TENM2: variants seen among roughly 807,000 people sequenced by gnomAD.
The protein encoded by TENM2 is teneurin-2.
TENM2 carries 52 observed loss-of-function variants against 245.2 expected under a neutral mutation model. That is an observed-to-expected ratio of 0.21 (90% confidence interval 0.17 to 0.27). The LOEUF (loss-of-function observed/expected upper bound fraction) is 0.27, where lower values mean the gene tolerates loss of function less well. Ranked by LOEUF, TENM2 falls within the 10% of genes least tolerant of loss-of-function variation. The pLI is 1.00. For synonymous variants in TENM2, 1,363 were observed against 1,438.9 expected (o/e 0.95, Z 1.19); for missense variants, 3,046 against 3,666.8 (o/e 0.83, Z 4.37).
intron 2 of TENM2, among the ~76,000 whole-genome samples, chr5:167,855,739 GAAGAAGGA>G (rs1421796864): frequency 9.7e-6 from 1 of 102,932 alleles, no homozygotes; most frequent in Non-Finnish European, 1.9e-5. Context: ...GGGAGGGAGG[GAAGAAGGA>G]AAGAAGGAAG....
chr5:167,425,446 G>T (rs1221296766), intron 2 of TENM2, among the ~76,000 whole-genome samples: 1 of 152,172 alleles, frequency 6.6e-6, no homozygotes, highest in African/African-American at 2.4e-5. Context: ...ATAGCACTCA[G>T]TGAGGGCTTA....
intron 22 of TENM2, 146 bp from the exon 25 acceptor site, chr5:168,217,979 G>A: frequency 1.3e-6 from 1 of 768,570 alleles, no homozygotes; most frequent in African/African-American, 1.8e-5. Context: ...GCAATGAGCA[G>A]CTGGTTCAAT....
intron 23 of TENM2, among the ~76,000 whole-genome samples, chr5:168,221,117 A>G (rs1286913141): frequency 2.0e-5 from 3 of 151,890 alleles, no homozygotes; most frequent in Admixed American, 6.6e-5. Context: ...GTCTCAAAAA[A>G]AAAAAAGAAA....
chr5:167,095,698 C>T, the TENM2 span, among the ~76,000 whole-genome samples: 1 of 151,154 alleles, frequency 6.6e-6, no homozygotes, highest in South Asian at 2.1e-4. Context: ...TGAGTTTTGA[C>T]ATTTGTATAT....
chr5:168,235,988 C>T (rs1391601609), intron 25 of TENM2, among the ~76,000 whole-genome samples: 1 of 152,136 alleles, frequency 6.6e-6, no homozygotes, highest in Non-Finnish European at 1.5e-5. Flanking sequence ...ATGCTAAAGC[C>T]CTAGCATGTG....
Position 168,244,671 on chromosome 5 carries a change from C to T in TENM2, c.5772C>T (p.Arg1924=), listed in dbSNP as rs1465775180. 1.3e-6 allele frequency: 2 copies of T among 1,501,556 alleles called. No individual in the cohort carries two copies. The allele number at this position is 1,501,556 out of a possible 1,614,324, so 93.0% of individuals were successfully genotyped here. A position where few individuals can be genotyped will look rare whatever the true frequency, so the allele number is the denominator to read the frequency against. Residue 1924 remains arginine, a synonymous_variant, in exon 26 of 29, where the codon CGC becomes CGT. Coordinates refer to ENST00000518659, the Ensembl canonical transcript of TENM2. This position sits in a 1 kb window ranked among gnomAD's most constrained non-coding sequence, Gnocchi z 4.9. The stretch of plus-strand genomic sequence containing the variant: ...ACAAGCAAGGCCGCATCGTGTCCCG[C>T]ATGTTCGCTGACGGGAAAGTGTGGA...
chr5:167,337,612 G>T (rs1280085941), intron 1 of TENM2, among the ~76,000 whole-genome samples: 2 of 152,110 alleles, frequency 1.3e-5, no homozygotes, highest in Non-Finnish European at 1.5e-5. Context: ...CAGTTGAGTT[G>T]GGTTTTGTGG....
At chr5:167,208,771 A>G in the TENM2 span, among the ~76,000 whole-genome samples, 11 of 152,232 alleles carry the variant, frequency 7.2e-5, no homozygotes, top group African/African-American at 2.7e-4. Context: ...CTGTGTCTTG[A>G]GAGATCTTTC....
At chr5:167,273,194 C>T in the TENM2 span, among the ~76,000 whole-genome samples, 5 of 152,088 alleles carry the variant, frequency 3.3e-5, no homozygotes, top group African/African-American at 1.2e-4. Flanking sequence ...AAGTGATGGA[C>T]CCCACTTAGG....
exon 27 of TENM2, chr5:168,248,096 T>A (rs1471204645): frequency 6.2e-7 from 1 of 1,613,924 alleles, no homozygotes; most frequent in Non-Finnish European, 8.5e-7. Flanking sequence ...GGCCTCATGA[T>A]CAAACAGCTG....
At chr5:167,105,077 G>A in the TENM2 span, among the ~76,000 whole-genome samples, 1 of 152,128 alleles carries the variant, frequency 6.6e-6, no homozygotes, top group Non-Finnish European at 1.5e-5. Context: ...GAGAAAATGT[G>A]TTTTGTCAGA....
intron 2 of TENM2, among the ~76,000 whole-genome samples, chr5:167,872,293 AGATAG>A (rs1772898817): frequency 1.2e-5 from 1 of 85,416 alleles, no homozygotes. Flanking sequence ...AGAAAGAGAA[AGATAG>A]AAAGAAAGAA....
chr5:167,721,108 G>T (rs1302655911), intron 2 of TENM2, among the ~76,000 whole-genome samples: 2 of 152,082 alleles, frequency 1.3e-5, no homozygotes, highest in Non-Finnish European at 2.9e-5. Context: ...AATATTAAGG[G>T]ATTTAACAGC....
At chr5:168,049,036 GACACT>G (rs1362642451) in intron 6 of TENM2, among the ~76,000 whole-genome samples, 1 of 152,170 alleles carries the variant, frequency 6.6e-6, no homozygotes, top group Non-Finnish European at 1.5e-5. Context: ...TCCAGTACTT[GACACT>G]GTCTGCTCCT....
At chr5:167,876,227 G>A in intron 3 of TENM2, 32 bp downstream of exon 5, 1 of 1,499,242 alleles carries the variant, frequency 6.7e-7, no homozygotes, top group Non-Finnish European at 9.1e-7. Context: ...TGAATGTGTG[G>A]TGTTTCGTGA....
chr5:168,009,198 T>C (rs1785044925), intron 5 of TENM2, among the ~76,000 whole-genome samples: 1 of 152,222 alleles, frequency 6.6e-6, no homozygotes. Flanking sequence ...TGTACAAATG[T>C]GGCATGTGGT....
intron 5 of TENM2, among the ~76,000 whole-genome samples, chr5:167,995,462 T>A (rs1386137970): frequency 6.6e-6 from 1 of 152,206 alleles, no homozygotes; most frequent in Non-Finnish European, 1.5e-5. Context: ...AAAAATAGTT[T>A]ATGACACAAA....
chr5:167,375,664 T>G (rs951214561), intron 2 of TENM2, among the ~76,000 whole-genome samples, 191 bp downstream of exon 4: 3 of 152,186 alleles, frequency 2.0e-5, no homozygotes, highest in Admixed American at 2.0e-4. Context: ...GAGAAGAGAA[T>G]TTAAAAATCA....
intron 2 of TENM2, among the ~76,000 whole-genome samples, chr5:167,767,289 C>A (rs1023632693): frequency 2.6e-5 from 4 of 152,154 alleles, no homozygotes; most frequent in Non-Finnish European, 4.4e-5. Context: ...ATTGAAAAAA[C>A]CAGACATGAA....
Sources: allele counts gnomAD v4.1 joint callset (sites outside exome capture counted in the v4.1 genomes callset), GRCh38; gene constraint gnomAD v4.1.1; non-coding constraint Gnocchi (gnomAD v3.1); transcripts MANE v1.5; gene names NCBI Gene and HGNC (gene_info 2026-07-23, HGNC 2026-07-21).